Variants in DOCK10 observed in about 807,000 individuals in gnomAD.
DOCK10 encodes the protein dedicator of cytokinesis protein 10.
DOCK10 carries 145 observed loss-of-function variants against 280.1 expected under a neutral mutation model. The observed-to-expected ratio is 0.52, with a 90% CI of 0.45 to 0.59. The LOEUF (loss-of-function observed/expected upper bound fraction) is 0.59, where lower values mean the gene tolerates loss of function less well. DOCK10 is among the 20% of genes least tolerant of loss of function. DOCK10 has a pLI of 0.00. For missense variants in DOCK10, 2,368 were observed against 2,651.7 expected, an observed-to-expected ratio of 0.89 and a Z score of 2.35; for synonymous variants, 915 against 942.2, an observed-to-expected ratio of 0.97 and a Z score of 0.53.
intron 1 of DOCK10, among the ~76,000 whole-genome samples, chr2:224,985,815 C>A (rs1011170365): frequency 6.6e-6 from 1 of 151,710 alleles, no homozygotes; most frequent in Non-Finnish European, 1.5e-5. Flanking sequence ...ATCTTTTGGC[C>A]TAAGAATGAT....
intron 31 of DOCK10, among the ~76,000 whole-genome samples, chr2:224,812,826 A>T (rs553938354): frequency 6.6e-6 from 1 of 152,324 alleles, no homozygotes; most frequent in South Asian, 2.1e-4. Flanking sequence ...CTTGCATCCC[A>T]GGGATGAAGC....
At chr2:224,948,826 T>C (rs1373136906) in intron 1 of DOCK10, among the ~76,000 whole-genome samples, 1 of 152,232 alleles carries the variant, frequency 6.6e-6, no homozygotes, top group East Asian at 1.9e-4. Flanking sequence ...AAGATCAGCA[T>C]ACTGTCTTAT....
chr2:224,913,346 A>G (rs1201251251), intron 3 of DOCK10, among the ~76,000 whole-genome samples: 3 of 152,132 alleles, frequency 2.0e-5, no homozygotes, highest in East Asian at 3.9e-4. Flanking sequence ...ACTACTAGTG[A>G]GGCTGAGCAA....
chr2:224,847,670 C>T (rs1468520696), intron 19 of DOCK10, among the ~76,000 whole-genome samples: 1 of 152,164 alleles, frequency 6.6e-6, no homozygotes, highest in Non-Finnish European at 1.5e-5. Flanking sequence ...GTAATGTGGT[C>T]ATGGTTTTTG....
Position 224,839,198 on chromosome 2 carries a change from C to T in DOCK10, c.2780+756G>A, listed in dbSNP as rs183915289. 1.7e-3 allele frequency among the ~76,000 whole-genome samples: 251 copies of T among 152,062 alleles called. 1 individual carries two copies. In the East Asian group the frequency reaches 0.037, roughly 22 times the overall value. The stretch of plus-strand genomic sequence containing the variant: ...GGTTCATGCCATTCTCCTGCCTCAG[C>T]CTCCCGAGTAGCTGGGACTACAGGC... On this transcript the variant is annotated intron_variant, in intron 24 of 55. Coordinates refer to ENST00000258390, the MANE Select transcript of DOCK10 (RefSeq NM_014689.3).
Position 224,774,935 on chromosome 2 carries a change from C to T in DOCK10, c.5983G>A (p.Glu1995Lys). The T allele has an allele frequency of 6.2e-7, 1 of 1,605,002 alleles. No individual in the cohort carries two copies. Among genetic ancestry groups the T allele is most frequent in the South Asian group, 1.1e-5 (1 of 89,474 alleles). Residue 1995 changes from glutamate to lysine, a missense_variant, in exon 52 of 56, where the codon GAG (glutamate) becomes AAG (lysine). Glu to Lys is a moderately conservative substitution (Grantham distance 56). Coordinates refer to ENST00000258390, the MANE Select transcript of DOCK10 (RefSeq NM_014689.3). ...LSGKKHGGVA[E>K]QCKRRTILTT... ...AGGATCGTCCGCCGCTTGCACTGCT[C>T]CGCCACCCCACCGTGCTTCTTGCCC...
At chr2:224,809,989 CAAAA>C (rs376029378) in intron 31 of DOCK10, among the ~76,000 whole-genome samples, 1 of 115,370 alleles carries the variant, frequency 8.7e-6, no homozygotes, top group Non-Finnish European at 1.7e-5. Context: ...TATTCAGCCT[CAAAA>C]AAAAAAAAAA....
intron 1 of DOCK10, among the ~76,000 whole-genome samples, chr2:224,985,630 G>GAAAAAA (rs56042875): frequency 7.0e-6 from 1 of 142,090 alleles, no homozygotes; most frequent in African/African-American, 2.6e-5. Flanking sequence ...GGTTAAGGAG[G>GAAAAAA]AAAAAAAAAA....
At chr2:225,007,576 C>T (rs1475805098) in intron 1 of DOCK10, among the ~76,000 whole-genome samples, 1 of 152,128 alleles carries the variant, frequency 6.6e-6, no homozygotes, top group African/African-American at 2.4e-5. Flanking sequence ...AAGACTTGGG[C>T]ATCAATATAA....
intron 1 of DOCK10, among the ~76,000 whole-genome samples, chr2:225,032,646 T>A (rs281545): frequency 6.6e-6 from 1 of 152,104 alleles, no homozygotes; most frequent in Admixed American, 6.5e-5. Context: ...AGTTGAGTTC[T>A]AACATCACTT....
chr2:224,885,659 A>G lies in DOCK10; in HGVS notation c.747+12T>C, dbSNP rs2125754384. The G allele has an allele frequency of 6.4e-7, 1 of 1,572,918 alleles. No homozygotes were observed. The highest frequency in any genetic ancestry group is 1.2e-5 in the South Asian group (1 of 83,454). ...AAAAAAATCCCAAGGAGGAAAAGGG[A>G]TGTCTACTCACCTGCACCACTCCTG... On this transcript the variant is annotated intron_variant, in intron 7 of 55. Coordinates refer to ENST00000258390, the MANE Select transcript of DOCK10 (RefSeq NM_014689.3).
rs766326157 is a variant in DOCK10 at position 224,896,379 on chromosome 2, TGAAA to T, written c.334-6_334-3del. On this transcript the variant is annotated splice_region_variant and splice_polypyrimidine_tract_variant and intron_variant, in intron 3 of 55. Coordinates refer to ENST00000258390, the MANE Select transcript of DOCK10 (RefSeq NM_014689.3). ...CTGGGAACTATAAAATTTACAAGCC[TGAAA>T]GAAAGAAAAATGACAATTATTAATA... 2 of 1,556,314 alleles carry T rather than the reference TGAAA, an allele frequency of 1.3e-6. No homozygotes were observed. Among genetic ancestry groups the T allele is most frequent in the Non-Finnish European group, 1.8e-6 (2 of 1,137,564 alleles).
intron 1 of DOCK10, among the ~76,000 whole-genome samples, chr2:224,944,407 T>C (rs905030836): frequency 6.6e-6 from 1 of 152,240 alleles, no homozygotes; most frequent in Non-Finnish European, 1.5e-5. Flanking sequence ...TTAATAACAC[T>C]ACACAACACT....
chr2:224,831,969 C>T (rs1330820025), intron 26 of DOCK10, among the ~76,000 whole-genome samples: 1 of 152,168 alleles, frequency 6.6e-6, no homozygotes, highest in South Asian at 2.1e-4. Context: ...AAACCTTGGC[C>T]TGTGAGGACA....
At chr2:224,873,642 G>GGATA (rs1267669590) in intron 11 of DOCK10, among the ~76,000 whole-genome samples, 1 of 146,650 alleles carries the variant, frequency 6.8e-6, no homozygotes, top group Non-Finnish European at 1.5e-5. Context: ...ACTACTAAGA[G>GGATA]GATACACACA....
At chr2:225,037,045 G>A (rs890297546) in intron 1 of DOCK10, among the ~76,000 whole-genome samples, 22 of 152,116 alleles carry the variant, frequency 1.4e-4, no homozygotes, top group Non-Finnish European at 3.1e-4. Flanking sequence ...ACACAACTCA[G>A]TTAAATGGTA....
chr2:224,776,243 ACCTC>A (rs1690855891), intron 51 of DOCK10, among the ~76,000 whole-genome samples: 1 of 151,848 alleles, frequency 6.6e-6, no homozygotes. Context: ...GATTTGAGGG[ACCTC>A]CTGAATTTAT....
Position 224,816,687 on chromosome 2 carries a change from A to G in DOCK10, c.3294T>C (p.Phe1098=). ...LKTLCQYKFD[F]LQEVCQHEHF... ...GTTCATGTTGACATACTTCTTGAAG[A>G]AAATCAAATTTATACTGGCACAAGG... Residue 1098 remains phenylalanine, a synonymous_variant, in exon 30 of 56, where the codon TTT becomes TTC. Transcript: ENST00000258390. 1 of 1,605,866 alleles carries G rather than the reference A, an allele frequency of 6.2e-7. No homozygotes were observed. The highest frequency in any genetic ancestry group is 8.5e-7 in the Non-Finnish European group (1 of 1,174,926).
In DOCK10 at chr2:224,879,339, C is replaced by T. The variant is rs187734059; in HGVS notation, c.748-3118G>A. Among the ~76,000 whole-genome samples the T allele has an allele frequency of 2.9e-3, 447 of 152,288 alleles. 7 individuals carry two copies. The highest frequency in any genetic ancestry group is 0.01 in the African/African-American group (427 of 41,576). On this transcript the variant is annotated intron_variant, in intron 7 of 55. Coordinates refer to ENST00000258390, the MANE Select transcript of DOCK10 (RefSeq NM_014689.3). ...TTCTGACGAAGAAGGGCTACAAAAT[C>T]ACCTGCGACCTTCACTGATGGACAG...
Sources: allele counts gnomAD v4.1 joint callset (sites outside exome capture counted in the v4.1 genomes callset), GRCh38; gene constraint gnomAD v4.1.1; transcripts MANE v1.5; gene names NCBI Gene and HGNC (gene_info 2026-07-23, HGNC 2026-07-21).